Variants in ZZEF1 observed in about 807,000 individuals in gnomAD.
ZZEF1 encodes the protein zinc finger ZZ-type and EF-hand domain-containing protein 1.
A neutral mutation model predicts 342.8 loss-of-function variants in ZZEF1; 157 were observed. That is an observed-to-expected ratio of 0.46 (90% CI 0.40 to 0.52). ZZEF1 has a LOEUF of 0.52. ZZEF1 is among the 20% of genes least tolerant of loss of function. The pLI is 0.00. For synonymous variants in ZZEF1, 1,505 were observed against 1,429.1 expected (o/e 1.05, Z -1.20); for missense variants, 3,480 against 3,725.6 (o/e 0.93, Z 1.72).
At chr17:4,023,400 C>T (rs1597773215) in intron 43 of ZZEF1, among the ~76,000 whole-genome samples, 1 of 152,154 alleles carries the variant, frequency 6.6e-6, no homozygotes. Context: ...TGGTGCTCAA[C>T]AAATATTTGC....
chr17:4,083,463 C>T (rs532328754), intron 16 of ZZEF1, among the ~76,000 whole-genome samples: 3 of 152,248 alleles, frequency 2.0e-5, no homozygotes, highest in African/African-American at 7.2e-5. Flanking sequence ...TTATATATAG[C>T]TGGAATTACA....
chr17:4,030,568 T>C (rs1371506702), intron 42 of ZZEF1, among the ~76,000 whole-genome samples: 1 of 152,232 alleles, frequency 6.6e-6, no homozygotes, highest in African/African-American at 2.4e-5. Context: ...CTTGCTCTGT[T>C]GCCCAGGCTA....
rs1262063443 is a variant in ZZEF1 at position 4,004,503 on chromosome 17, A to C, written c.*2387T>G. The C allele has an allele frequency of 6.6e-6, 1 of 152,510 alleles. No individual in the cohort carries two copies. The highest frequency in any genetic ancestry group is 1.5e-5 in the Non-Finnish European group (1 of 68,054). 9.4% of individuals were successfully genotyped at this position (152,510 alleles called of 1,614,324 possible). A position where few individuals can be genotyped will look rare whatever the true frequency, so the allele number is the denominator to read the frequency against. On this transcript the variant is annotated 3_prime_UTR_variant, in exon 55 of 55. Transcript: ENST00000381638. ...CTTTTCGTTTGCATATTTTACCCACAGCTTAACATCCTTTTTACAGGCTGA... is the reference window on the plus strand; with the variant it reads ...CTTTTCGTTTGCATATTTTACCCACCGCTTAACATCCTTTTTACAGGCTGA...
intron 8 of ZZEF1, among the ~76,000 whole-genome samples, chr17:4,103,377 TAA>T (rs142957428): frequency 6.8e-6 from 1 of 146,202 alleles, no homozygotes; most frequent in Non-Finnish European, 1.5e-5. Flanking sequence ...AGCTCATTTC[TAA>T]AAAAAAAAAA....
chr17:4,131,305 TC>T (rs1385758350), intron 1 of ZZEF1, among the ~76,000 whole-genome samples: 4 of 152,114 alleles, frequency 2.6e-5, no homozygotes, highest in Non-Finnish European at 5.9e-5. Flanking sequence ...AGGAAATACT[TC>T]CTTGAGAAGA....
intron 25 of ZZEF1, among the ~76,000 whole-genome samples, chr17:4,072,098 C>T (rs776684592): frequency 1.3e-5 from 2 of 151,784 alleles, no homozygotes; most frequent in African/African-American, 2.4e-5. Flanking sequence ...TGAGGAAGAG[C>T]CACTGGATTT....
At chr17:4,065,741 TA>T (rs1227735447) in intron 28 of ZZEF1, among the ~76,000 whole-genome samples, 2 of 152,178 alleles carry the variant, frequency 1.3e-5, no homozygotes, top group Non-Finnish European at 1.5e-5. Flanking sequence ...ATATTTCTCT[TA>T]AAAATATATG....
At position 4,109,341 on chromosome 17, in the gene ZZEF1, C is replaced by T. The variant is rs189539362; in HGVS notation, c.1277+312G>A. ...CAATTACTTCCCAATGGACAAGGAA[C>T]AGGCACAGCATAAGTGACCTCCTCA... On this transcript the variant is annotated intron_variant, in intron 6 of 54. Transcript: ENST00000381638. Among the ~76,000 whole-genome samples the T allele has an allele frequency of 3.3e-5, 5 of 152,302 alleles. No individual in the cohort carries two copies. In the East Asian group the frequency reaches 7.7e-4, roughly 23 times the overall value.
intron 1 of ZZEF1, among the ~76,000 whole-genome samples, chr17:4,128,135 C>T (rs2058601876): frequency 6.6e-6 from 1 of 152,006 alleles, no homozygotes; most frequent in Non-Finnish European, 1.5e-5. Flanking sequence ...CACTTGAGGC[C>T]AGGAATTTGA....
rs1044761867 is a variant in ZZEF1 at position 4,129,566 on chromosome 17, C to T, written c.355-5515G>A. Among the ~76,000 whole-genome samples, 7 of 152,196 alleles carry T rather than the reference C, an allele frequency of 4.6e-5. No homozygotes were observed. The East Asian group carries it at 7.7e-4, about 17-fold the overall frequency. On this transcript the variant is annotated intron_variant, in intron 1 of 54. Coordinates refer to ENST00000381638, the MANE Select transcript of ZZEF1 (RefSeq NM_015113.4). ...AAAAGAAAAAAAAGAGGGCTGGGCA[C>T]GGTGGCTGACACCTGTAATCCCAGC...
At chr17:4,080,888 C>T (rs186922652) in intron 18 of ZZEF1, among the ~76,000 whole-genome samples, 5 of 152,296 alleles carry the variant, frequency 3.3e-5, no homozygotes, top group Middle Eastern at 3.4e-3. Flanking sequence ...TGCCCTCACT[C>T]GTTTGCAAGG....
At chr17:4,138,284 C>T (rs578219727) in intron 1 of ZZEF1, among the ~76,000 whole-genome samples, 9 of 152,278 alleles carry the variant, frequency 5.9e-5, no homozygotes, top group East Asian at 1.9e-4. Context: ...CAGATTCCTA[C>T]GGCACAGTTC....
chr17:4,110,403 A>G (rs1268369714), intron 5 of ZZEF1, among the ~76,000 whole-genome samples: 2 of 152,232 alleles, frequency 1.3e-5, no homozygotes, highest in Non-Finnish European at 2.9e-5. Context: ...AGAAAAGATC[A>G]CAATATAAGA....
chr17:4,018,939 T>C (rs2056189955), intron 46 of ZZEF1, among the ~76,000 whole-genome samples: 1 of 144,312 alleles, frequency 6.9e-6, no homozygotes. Context: ...TGGGTCCCTC[T>C]GTGGAGCAGA....
chr17:4,047,371 A>C (rs1291167152), intron 37 of ZZEF1, among the ~76,000 whole-genome samples: 2 of 152,242 alleles, frequency 1.3e-5, no homozygotes, highest in Non-Finnish European at 2.9e-5. Flanking sequence ...TGGGTCAGGC[A>C]CAGTGGCTCA....
At chr17:4,083,289 A>G (rs1381852985) in intron 16 of ZZEF1, among the ~76,000 whole-genome samples, 1 of 152,232 alleles carries the variant, frequency 6.6e-6, no homozygotes, top group East Asian at 1.9e-4. Flanking sequence ...TGTGTAGGAC[A>G]CATGCTTGGA....
intron 16 of ZZEF1, 81 bp from the exon 17 acceptor site, chr17:4,082,585 C>A: frequency 7.7e-7 from 1 of 1,293,524 alleles, no homozygotes; most frequent in Non-Finnish European, 1.1e-6. Flanking sequence ...TGAAACATCA[C>A]CACCCCACTG....
At chr17:4,043,391 AACT>A (rs1484390243) in intron 38 of ZZEF1, among the ~76,000 whole-genome samples, 5 of 152,174 alleles carry the variant, frequency 3.3e-5, no homozygotes, top group Admixed American at 3.3e-4. Flanking sequence ...TGTTTTCTGG[AACT>A]CAGAATTATA....
chr17:4,041,231 C>T (rs373633590), intron 39 of ZZEF1, among the ~76,000 whole-genome samples: 1 of 152,196 alleles, frequency 6.6e-6, no homozygotes, highest in South Asian at 2.1e-4. Flanking sequence ...GTTCCACGTG[C>T]ACCATACAAC....
Sources: gnomAD v4.1 joint callset for allele counts (sites outside exome capture counted in the v4.1 genomes callset) on GRCh38, gnomAD v4.1.1 for gene constraint, MANE v1.5 for transcripts, NCBI Gene and HGNC (gene_info 2026-07-23, HGNC 2026-07-21) for gene names.